ZNF705G: variants seen among roughly 807,000 people sequenced by gnomAD.
ZNF705G encodes the protein putative zinc finger protein 705G.
ZNF705G carries 23 observed loss-of-function variants against 19.6 expected under a neutral mutation model. The ratio of observed to expected loss-of-function variants is 1.17; its 90% CI spans 0.84 to 1.66. The LOEUF (loss-of-function observed/expected upper bound fraction) is 1.66, where lower values mean the gene tolerates loss of function less well. Ranked by LOEUF, ZNF705G falls within the 40% of genes most tolerant of loss-of-function variation. The probability of loss-of-function intolerance (pLI) is 0.00; values close to 1 mark genes in which losing one functional copy is unlikely to be tolerated. For synonymous variants in ZNF705G, 146 were observed against 117.7 expected (o/e 1.24, Z -1.56); for missense variants, 457 against 354.4 (o/e 1.29, Z -2.32).
Position 7,370,820 on chromosome 8 carries a change from C to A in ZNF705G, c.-71-7803G>T, listed in dbSNP as rs1375814043. On this transcript the variant is annotated intron_variant, in intron 2 of 6. Transcript: ENST00000400156. ...AAAGACATGGAATCAACCCGAATGT[C>A]CATCAGTGACAGACTGGATAAAGAA... is the stretch of plus-strand genomic sequence containing the variant. Among the ~76,000 whole-genome samples, 46 of 107,462 alleles carry A rather than the reference C, an allele frequency of 4.3e-4. 7 individuals carry two copies. The highest frequency in any genetic ancestry group is 1.7e-3 in the African/African-American group (41 of 23,464). 70.5% of individuals were successfully genotyped at this position (107,462 alleles called of 152,430 possible).
intron 2 of ZNF705G, among the ~76,000 whole-genome samples, chr8:7,364,754 T>C (rs1161356344): frequency 6.7e-6 from 1 of 149,454 alleles, no homozygotes; most frequent in Non-Finnish European, 1.5e-5. Context: ...TTCCTTGGAC[T>C]ATTTTCTACA....
chr8:7,365,124 G>A (rs1288550886), intron 2 of ZNF705G, among the ~76,000 whole-genome samples: 1 of 149,550 alleles, frequency 6.7e-6, no homozygotes, highest in Admixed American at 6.6e-5. Context: ...TTTCATAAAG[G>A]ACTCTTGTGT....
At chr8:7,363,576 T>G (rs1362102964) in intron 2 of ZNF705G, among the ~76,000 whole-genome samples, 1 of 149,618 alleles carries the variant, frequency 6.7e-6, no homozygotes, top group Non-Finnish European at 1.5e-5. Flanking sequence ...ATCCCAGCAC[T>G]TTGGGAGGCC....
At chr8:7,369,499 G>T (rs1273574022) in intron 2 of ZNF705G, among the ~76,000 whole-genome samples, 4 of 149,554 alleles carry the variant, frequency 2.7e-5, no homozygotes, top group African/African-American at 5.1e-5. Context: ...GCCTGGAAAA[G>T]CTGCAGGCAC....
Position 7,358,475 on chromosome 8 carries a change from A to G in ZNF705G, c.404T>C (p.Leu135Ser). 1.2e-6 allele frequency: 2 copies of G among 1,607,732 alleles called. 1 individual carries two copies. Residue 135 changes from leucine (L) to serine (S), a missense_variant, in exon 7 of 7, where the codon TTG (leucine) becomes TCG (serine). Transcript: ENST00000400156. ...GGGTTTCTTTCCACTATGAGTTAACAAACACTGAGTTATTGTGGAACTGCG... is the reference window on the plus strand; with the variant it reads ...GGGTTTCTTTCCACTATGAGTTAACGAACACTGAGTTATTGTGGAACTGCG... Reference protein sequence around the residue: ...CTRSSTITQCLLTHSGKKPYV... With the variant: ...CTRSSTITQCSLTHSGKKPYV...
At chr8:7,375,688 G>A (rs1563300115) in intron 2 of ZNF705G, among the ~76,000 whole-genome samples, 1 of 93,496 alleles carries the variant, frequency 1.1e-5, no homozygotes, top group Non-Finnish European at 2.1e-5. Flanking sequence ...ACAAATTTCT[G>A]CACAAACATA....
chr8:7,383,132 T>A (rs1408539007), intron 1 of ZNF705G, among the ~76,000 whole-genome samples: 2 of 149,982 alleles, frequency 1.3e-5, no homozygotes, highest in Non-Finnish European at 1.5e-5. Context: ...TTGATTTTTT[T>A]TTTTTTTTTT....
chr8:7,380,095 C>A lies in ZNF705G; in HGVS notation c.-72+1357G>T, dbSNP rs1466237574. On this transcript the variant is annotated intron_variant, in intron 2 of 6. Transcript: ENST00000400156. ...CAGTGCCATTCACTAGGGAGGCTGC[C>A]CCCAGAACAAAGGGAGCTGAAGCAG... Among the ~76,000 whole-genome samples the A allele has an allele frequency of 2.4e-4, 35 of 144,022 alleles. 7 individuals are homozygous for A. The highest frequency in any genetic ancestry group is 1.0e-3 in the African/African-American group (35 of 34,190). 94.5% of individuals were successfully genotyped at this position (144,022 alleles called of 152,430 possible).
Position 7,355,801 on chromosome 8 carries a change from T to C in ZNF705G, c.*2175A>G, listed in dbSNP as rs1018800028. 11 of 149,484 alleles carry C rather than the reference T, an allele frequency of 7.4e-5. 1 individual carries two copies. Among genetic ancestry groups the C allele is most frequent in the African/African-American group, 2.8e-4 (11 of 38,898 alleles). The allele number at this position is 149,484 out of a possible 1,614,324, so 9.3% of individuals were successfully genotyped here. On this transcript the variant is annotated 3_prime_UTR_variant, in exon 7 of 7. Transcript: ENST00000400156. ...ATATTTAATTAAATAGATTAAACAATAAATAATGATATGAGCTCTGCCTGG... is the reference window on the plus strand; with the variant it reads ...ATATTTAATTAAATAGATTAAACAACAAATAATGATATGAGCTCTGCCTGG...
Position 7,364,048 on chromosome 8 carries a change from T to A in ZNF705G, c.-71-1031A>T, listed in dbSNP as rs1366027714. Among the ~76,000 whole-genome samples, 4 of 149,616 alleles carry A rather than the reference T, an allele frequency of 2.7e-5. 1 individual carries two copies. The highest frequency in any genetic ancestry group is 1.0e-4 in the African/African-American group (4 of 39,076). On this transcript the variant is annotated intron_variant, in intron 2 of 6. Transcript: ENST00000400156. Reference sequence around the variant, plus strand: ...GAGAGGGAGAAATTTAGCAGCTCAATCTGATATTTTACTAACGTGGTATCT... The same window carrying A: ...GAGAGGGAGAAATTTAGCAGCTCAAACTGATATTTTACTAACGTGGTATCT...
intron 2 of ZNF705G, among the ~76,000 whole-genome samples, chr8:7,367,511 T>C (rs894612279): frequency 1.3e-5 from 2 of 149,440 alleles, no homozygotes; most frequent in African/African-American, 5.1e-5. Context: ...TGGACATGCA[T>C]ATAACTCCCT....
chr8:7,366,399 G>A lies in ZNF705G; in HGVS notation c.-71-3382C>T, dbSNP rs566294805. ...AATGAACACTGCATACAAAGTTTGT[G>A]TAACAGGAGAGAGGAAAAATCTCAC... On this transcript the variant is annotated intron_variant, in intron 2 of 6. Transcript: ENST00000400156. 1.6e-4 allele frequency among the ~76,000 whole-genome samples: 24 copies of A among 149,596 alleles called. 1 individual carries two copies. The highest frequency in any genetic ancestry group is 5.6e-4 in the African/African-American group (22 of 39,052).
chr8:7,382,529 A>C (rs564853597), intron 1 of ZNF705G, among the ~76,000 whole-genome samples: 1 of 146,678 alleles, frequency 6.8e-6, no homozygotes, highest in South Asian at 2.1e-4. Context: ...AATATAAAGA[A>C]AACCACCCTT....
In ZNF705G at chr8:7,358,290, C is replaced by G; in HGVS notation, c.589G>C (p.Glu197Gln). The change falls in exon 7 of 7, where the codon GAG (glutamate) becomes CAG (glutamine). Residue 197 changes from glutamate (E) to glutamine (Q), a missense_variant. Coordinates refer to ENST00000400156, the MANE Select transcript of ZNF705G (RefSeq NM_001164457.3). ...CATAGATGACATGCATATGGCCTCTCTCCAGTGTGAGTCATCTTGTGCCGT... is the reference window on the plus strand; with the variant it reads ...CATAGATGACATGCATATGGCCTCTGTCCAGTGTGAGTCATCTTGTGCCGT... ...LRRHKMTHTGERPYACHLCRK... is the reference protein window; with the variant it reads ...LRRHKMTHTGQRPYACHLCRK... The G allele has an allele frequency of 6.2e-7, 1 of 1,607,770 alleles. No individual in the cohort carries two copies. The highest frequency in any genetic ancestry group is 1.1e-5 in the South Asian group (1 of 90,726).
chr8:7,359,057 C>T (rs1431222934), intron 6 of ZNF705G, among the ~76,000 whole-genome samples: 1 of 149,580 alleles, frequency 6.7e-6, no homozygotes, highest in Non-Finnish European at 1.5e-5. Context: ...GTAAAAAAAT[C>T]CAGATTCACT....
At chr8:7,371,070 G>C (rs1476811964) in intron 2 of ZNF705G, among the ~76,000 whole-genome samples, 1 of 140,526 alleles carries the variant, frequency 7.1e-6, no homozygotes. Context: ...TTGGGAGGCA[G>C]GTGGAGGGAG....
chr8:7,385,302 A>G (rs1012132932), intron 1 of ZNF705G, among the ~76,000 whole-genome samples, 196 bp downstream of exon 1: 3 of 148,880 alleles, frequency 2.0e-5, no homozygotes, highest in Admixed American at 6.6e-5. Flanking sequence ...GAGAGACACA[A>G]ACACTCATAC....
At position 7,360,293 on chromosome 8, in the gene ZNF705G, T is replaced by C. The variant is rs376157799; in HGVS notation, c.179A>G (p.Glu60Gly). 202 of 1,591,222 alleles carry C rather than the reference T, an allele frequency of 1.3e-4. 10 individuals are homozygous for C. In the East Asian group the frequency reaches 1.8e-3, roughly 14 times the overall value. ...TTCCCTCCACAGCTCTTTTCCTTGCTCCAGCTGCAAAATTATATAGGATTT... is the reference window on the plus strand; with the variant it reads ...TTCCCTCCACAGCTCTTTTCCTTGCCCCAGCTGCAAAATTATATAGGATTT... ...ISKSYIILQL[E>G]QGKELWREGR... The change falls in exon 5 of 7, where the codon GAG becomes GGG. Residue 60 changes from glutamate to glycine, a missense_variant. Coordinates refer to ENST00000400156, the MANE Select transcript of ZNF705G (RefSeq NM_001164457.3).
At chr8:7,369,878 A>AG (rs1554526269) in intron 2 of ZNF705G, among the ~76,000 whole-genome samples, 1 of 147,418 alleles carries the variant, frequency 6.8e-6, no homozygotes, top group Non-Finnish European at 1.5e-5. Flanking sequence ...AGATACTGGG[A>AG]ACTACTAGAG....
Sources: gnomAD v4.1 joint callset for allele counts (sites outside exome capture counted in the v4.1 genomes callset) on GRCh38, gnomAD v4.1.1 for gene constraint, MANE v1.5 for transcripts, NCBI Gene and HGNC (gene_info 2026-07-23, HGNC 2026-07-21) for gene names.